The following RCSD1 variants were observed in gnomAD, a reference collection of about 807,000 sequenced individuals.
RCSD1 encodes capZ-interacting protein.
In RCSD1, 26 loss-of-function variants were observed where a neutral mutation model predicts 42.5. That is an observed-to-expected ratio of 0.61 (90% CI 0.45 to 0.85). RCSD1 has a LOEUF of 0.85. Ranked by LOEUF, RCSD1 falls within the 40% of genes least tolerant of loss-of-function variation. The pLI, the probability that RCSD1 is intolerant of heterozygous loss-of-function variation, is 0.00. For missense variants in RCSD1, 571 were observed against 528.3 expected (o/e 1.08, Z -0.79); for synonymous variants, 220 against 212.2 (o/e 1.04, Z -0.32).
intron 1 of RCSD1, among the ~76,000 whole-genome samples, chr1:167,631,123 A>G (rs1457006258): frequency 6.6e-6 from 1 of 152,234 alleles, no homozygotes; most frequent in Non-Finnish European, 1.5e-5. Flanking sequence ...AGGCTTTGCC[A>G]GAGGGAGGCC....
rs374383843 is a variant in RCSD1 at position 167,630,376 on chromosome 1, G to T, written c.-48G>T. 6.7e-7 allele frequency: 1 copy of T among 1,489,282 alleles called. No individual in the cohort carries two copies. Among genetic ancestry groups the T allele is most frequent in the Non-Finnish European group, 9.0e-7 (1 of 1,112,684 alleles). The allele number at this position is 1,489,282 out of a possible 1,614,324, so 92.3% of individuals were successfully genotyped here. On this transcript the variant is annotated 5_prime_UTR_variant, in exon 1 of 7. Coordinates refer to ENST00000367854, the MANE Select transcript of RCSD1 (RefSeq NM_052862.4). ...GGGGACAGCGGGGATCGTGAGCTCC[G>T]GCCCGGGCGAGCGGGTGCGTCTGCC...
chr1:167,645,055 T>C (rs1178173758), intron 1 of RCSD1, among the ~76,000 whole-genome samples: 2 of 152,206 alleles, frequency 1.3e-5, no homozygotes, highest in Non-Finnish European at 2.9e-5. Context: ...CGGGGCTCTA[T>C]CCTTGGCCCT....
intron 6 of RCSD1, among the ~76,000 whole-genome samples, chr1:167,701,018 C>G (rs1659624369): frequency 6.6e-6 from 1 of 152,172 alleles, no homozygotes. Flanking sequence ...TCCAGGAGCT[C>G]TGGGGCAGGC....
intron 3 of RCSD1, 43 bp from the exon 4 acceptor site, chr1:167,690,006 C>G (rs777942464): frequency 6.2e-7 from 1 of 1,600,542 alleles, no homozygotes; most frequent in Non-Finnish European, 8.6e-7. Context: ...CCCCACTTTC[C>G]TCACCTTACT....
intron 1 of RCSD1, among the ~76,000 whole-genome samples, chr1:167,674,561 A>C (rs1402748222): frequency 1.3e-5 from 2 of 152,230 alleles, no homozygotes; most frequent in East Asian, 1.9e-4. Context: ...CCACCACCAC[A>C]GTCAATTTTA....
At chr1:167,638,992 C>T (rs924451113) in intron 1 of RCSD1, among the ~76,000 whole-genome samples, 4 of 152,040 alleles carry the variant, frequency 2.6e-5, no homozygotes, top group South Asian at 2.1e-4. Flanking sequence ...GCAAGGAGGG[C>T]GGATCACGAG....
intron 1 of RCSD1, among the ~76,000 whole-genome samples, chr1:167,637,927 G>A (rs1421033958): frequency 2.6e-5 from 4 of 152,188 alleles, no homozygotes; most frequent in Non-Finnish European, 5.9e-5. Context: ...CCAACCACAT[G>A]CATCAGCCCA....
In RCSD1 at chr1:167,687,990, T is replaced by C. The variant is rs371948439; in HGVS notation, c.199-2059T>C. ...AGACGTGGTAATAATGTCATGTAAA[T>C]ACAGCTATATATATACATATACAGG... On this transcript the variant is annotated intron_variant, in intron 3 of 6. Coordinates refer to ENST00000367854, the MANE Select transcript of RCSD1 (RefSeq NM_052862.4). Among the ~76,000 whole-genome samples, 67 of 152,160 alleles carry C rather than the reference T, an allele frequency of 4.4e-4. 1 individual carries two copies. The highest frequency in any genetic ancestry group is 1.5e-3 in the African/African-American group (64 of 41,394).
At chr1:167,638,882 T>A (rs1233527160) in intron 1 of RCSD1, among the ~76,000 whole-genome samples, 2 of 152,214 alleles carry the variant, frequency 1.3e-5, no homozygotes, top group African/African-American at 4.8e-5. Context: ...AATTTACCAA[T>A]GGTCGTACTT....
At chr1:167,641,187 C>T (rs1204403825) in intron 1 of RCSD1, among the ~76,000 whole-genome samples, 1 of 152,122 alleles carries the variant, frequency 6.6e-6, no homozygotes, top group Non-Finnish European at 1.5e-5. Flanking sequence ...CGCTATGGAG[C>T]ATTTCCATGA....
At chr1:167,656,137 G>C (rs1031889906) in intron 1 of RCSD1, among the ~76,000 whole-genome samples, 1 of 152,112 alleles carries the variant, frequency 6.6e-6, no homozygotes, top group African/African-American at 2.4e-5. Flanking sequence ...CATTCTGTGA[G>C]GTGGGTATTG....
At position 167,697,258 on chromosome 1, in the gene RCSD1, A is replaced by G. The variant is rs1266672893; in HGVS notation, c.634A>G (p.Lys212Glu). 1.2e-6 allele frequency: 2 copies of G among 1,614,164 alleles called. No homozygotes were observed. Among genetic ancestry groups the G allele is most frequent in the Non-Finnish European group, 8.5e-7 (1 of 1,180,026 alleles). The change falls in exon 6 of 7, where the codon AAG (lysine) becomes GAG (glutamate). Residue 212 changes from lysine to glutamate, a missense_variant. By Grantham distance (56) the Lys-to-Glu change is moderately conservative. Transcript: ENST00000367854. ...GGATGAAGTGTTGCCATCCAAGAGC[A>G]AGGCCCCAGGATCCCCTTTGTCCAG... ...DGDEVLPSKS[K>E]APGSPLSSEG...
At chr1:167,665,199 T>C (rs890858858) in intron 1 of RCSD1, among the ~76,000 whole-genome samples, 1 of 152,222 alleles carries the variant, frequency 6.6e-6, no homozygotes, top group African/African-American at 2.4e-5. Flanking sequence ...AAGAATGTTA[T>C]GTAAATAGAA....
rs111790114 is a variant in RCSD1 at position 167,683,575 on chromosome 1, G to A, written c.7-325G>A. On this transcript the variant is annotated intron_variant, in intron 1 of 6. Transcript: ENST00000367854. ...AGGAGACTCGTACACTGTCGCAGACGTTGCCCTTTGCCGGTGGGGTCCTTG... is the reference window on the plus strand; with the variant it reads ...AGGAGACTCGTACACTGTCGCAGACATTGCCCTTTGCCGGTGGGGTCCTTG... 3.6e-3 allele frequency among the ~76,000 whole-genome samples: 553 copies of A among 152,304 alleles called. 2 individuals are homozygous for A. Among genetic ancestry groups the A allele is most frequent in the African/African-American group, 0.012 (504 of 41,558 alleles).
chr1:167,645,976 T>C (rs1195363824), intron 1 of RCSD1, among the ~76,000 whole-genome samples: 1 of 151,842 alleles, frequency 6.6e-6, no homozygotes, highest in African/African-American at 2.4e-5. Flanking sequence ...GAAATACCAG[T>C]TGAGAGGCCA....
chr1:167,641,043 G>T (rs1352099579), intron 1 of RCSD1, among the ~76,000 whole-genome samples: 1 of 152,156 alleles, frequency 6.6e-6, no homozygotes, highest in Admixed American at 6.5e-5. Context: ...ATTGACACCT[G>T]TTGTGTGACT....
chr1:167,674,567 T>C (rs748470352), intron 1 of RCSD1, among the ~76,000 whole-genome samples: 5 of 152,220 alleles, frequency 3.3e-5, no homozygotes, highest in Non-Finnish European at 7.3e-5. Flanking sequence ...CCACAGTCAA[T>C]TTTAGAACAT....
At chr1:167,640,992 C>T (rs1181356820) in intron 1 of RCSD1, among the ~76,000 whole-genome samples, 2 of 152,172 alleles carry the variant, frequency 1.3e-5, no homozygotes, top group African/African-American at 2.4e-5. Flanking sequence ...ACCCCCCGAG[C>T]CCCCACTAGT....
At chr1:167,694,072 T>C (rs992267499) in intron 4 of RCSD1, 27 bp from the exon 5 acceptor site, 2 of 1,611,260 alleles carry the variant, frequency 1.2e-6, no homozygotes, top group Non-Finnish European at 1.7e-6. Context: ...CTAGTCCTAT[T>C]TGAAATTGTT....
Sources: allele counts gnomAD v4.1 joint callset (sites outside exome capture counted in the v4.1 genomes callset), GRCh38; gene constraint gnomAD v4.1.1; transcripts MANE v1.5; gene names NCBI Gene and HGNC (gene_info 2026-07-23, HGNC 2026-07-21).